STXBP5L: variants seen among roughly 807,000 people sequenced by gnomAD.
STXBP5L encodes the protein syntaxin binding protein 5L.
A neutral mutation model predicts 144.5 loss-of-function variants in STXBP5L; 65 were observed. That is an observed-to-expected ratio of 0.45 (90% CI 0.37 to 0.55). STXBP5L has a LOEUF of 0.55. Ranked by LOEUF, STXBP5L falls within the 20% of genes least tolerant of loss-of-function variation. The probability of loss-of-function intolerance (pLI) is 0.00; values close to 1 mark genes in which losing one functional copy is unlikely to be tolerated. For synonymous variants in STXBP5L, 505 were observed against 469.6 expected (o/e 1.08, Z -0.97); for missense variants, 1,298 against 1,405.5 (o/e 0.92, Z 1.22).
intron 2 of STXBP5L, among the ~76,000 whole-genome samples, chr3:120,940,998 T>C (rs1470975473): frequency 6.6e-6 from 1 of 151,868 alleles, no homozygotes; most frequent in East Asian, 1.9e-4. Flanking sequence ...TTGAACTTGA[T>C]TCTCTCGTGT....
intron 5 of STXBP5L, among the ~76,000 whole-genome samples, chr3:121,055,673 C>T (rs73187502): frequency 2.0e-5 from 3 of 146,520 alleles, no homozygotes; most frequent in Non-Finnish European, 4.4e-5. Flanking sequence ...CCATACCCAG[C>T]TATTTTTTTT....
intron 2 of STXBP5L, among the ~76,000 whole-genome samples, chr3:120,954,641 A>G (rs946989593): frequency 1.3e-5 from 2 of 152,122 alleles, no homozygotes. Flanking sequence ...CATTTTATGA[A>G]CATATGCTTT....
intron 3 of STXBP5L, among the ~76,000 whole-genome samples, chr3:121,027,904 C>A (rs1350997100): frequency 6.6e-6 from 1 of 152,002 alleles, no homozygotes; most frequent in East Asian, 1.9e-4. Flanking sequence ...TTCATATATC[C>A]TCAGCTCTCA....
At chr3:121,264,739 G>A (rs1344720999) in intron 18 of STXBP5L, among the ~76,000 whole-genome samples, 1 of 149,596 alleles carries the variant, frequency 6.7e-6, no homozygotes, top group Admixed American at 6.7e-5. Flanking sequence ...CCCATTGTAT[G>A]TGCAAAGACA....
intron 20 of STXBP5L, among the ~76,000 whole-genome samples, chr3:121,372,818 C>T (rs928960927): frequency 5.3e-5 from 8 of 152,124 alleles, no homozygotes; most frequent in Admixed American, 5.2e-4. Flanking sequence ...GCTTCTATTT[C>T]TGTTGGAAAA....
chr3:120,952,407 T>C (rs1711318462), intron 2 of STXBP5L, among the ~76,000 whole-genome samples: 1 of 152,128 alleles, frequency 6.6e-6, no homozygotes, highest in Non-Finnish European at 1.5e-5. Context: ...ATTTTATTCC[T>C]ATATATTTTA....
At chr3:120,928,621 G>A (rs1379188870) in intron 2 of STXBP5L, among the ~76,000 whole-genome samples, 1 of 149,612 alleles carries the variant, frequency 6.7e-6, no homozygotes, top group Non-Finnish European at 1.5e-5. Flanking sequence ...CATATAAATA[G>A]AATCATATGG....
intron 5 of STXBP5L, among the ~76,000 whole-genome samples, chr3:121,079,724 G>A (rs551248082): frequency 1.6e-4 from 25 of 152,302 alleles, no homozygotes; most frequent in African/African-American, 6.0e-4. Flanking sequence ...TAGATTAATT[G>A]AGGCTTATTT....
rs193068270 is a variant in STXBP5L at position 121,322,823 on chromosome 3, G to C, written c.2176+4283G>C. ...TTACATTCCCATCAACAATATATAA[G>C]TGTTCCCTTTCCTCTGCAGCTTCAC... On this transcript the variant is annotated intron_variant, in intron 20 of 26. Transcript: ENST00000471454. Among the ~76,000 whole-genome samples, 706 of 152,268 alleles carry C rather than the reference G, an allele frequency of 4.6e-3. 6 individuals carry two copies. Among genetic ancestry groups the C allele is most frequent in the African/African-American group, 0.016 (667 of 41,556 alleles).
At chr3:120,926,579 T>C (rs78221319) in intron 2 of STXBP5L, among the ~76,000 whole-genome samples, 6,047 of 152,244 alleles carry the variant, frequency 0.04, 170 homozygotes, top group Middle Eastern at 0.082. Flanking sequence ...TGGATGTTTA[T>C]CTCTTTTCTA....
intron 10 of STXBP5L, among the ~76,000 whole-genome samples, chr3:121,207,111 T>G (rs1185432736): frequency 6.6e-6 from 1 of 152,154 alleles, no homozygotes; most frequent in Non-Finnish European, 1.5e-5. Flanking sequence ...AGATATCTCT[T>G]TAGCCTACTA....
chr3:121,132,412 C>T (rs2045034108), intron 7 of STXBP5L, among the ~76,000 whole-genome samples: 1 of 152,162 alleles, frequency 6.6e-6, no homozygotes, highest in South Asian at 2.1e-4. Context: ...CATAGCTACC[C>T]CACTGGGGTC....
intron 3 of STXBP5L, among the ~76,000 whole-genome samples, chr3:121,027,366 A>G (rs910545803): frequency 1.3e-5 from 2 of 152,124 alleles, no homozygotes; most frequent in African/African-American, 4.8e-5. Context: ...TGAAAGGTTA[A>G]CTTAATAGCA....
intron 5 of STXBP5L, among the ~76,000 whole-genome samples, chr3:121,072,929 A>C (rs2041867489): frequency 6.6e-6 from 1 of 152,182 alleles, no homozygotes; most frequent in East Asian, 1.9e-4. Flanking sequence ...GAGTCAGTAT[A>C]GATGTTTACT....
intron 3 of STXBP5L, among the ~76,000 whole-genome samples, chr3:121,026,928 T>G (rs1945992044): frequency 6.6e-6 from 1 of 151,902 alleles, no homozygotes; most frequent in Non-Finnish European, 1.5e-5. Context: ...TTCCATAAGT[T>G]TCTGCTTTTA....
chr3:120,948,066 A>G (rs1209296869), intron 2 of STXBP5L, among the ~76,000 whole-genome samples: 1 of 151,800 alleles, frequency 6.6e-6, no homozygotes, highest in Non-Finnish European at 1.5e-5. Context: ...CATTTCTAAC[A>G]GCAATGTATT....
intron 13 of STXBP5L, among the ~76,000 whole-genome samples, 169 bp downstream of exon 13, chr3:121,239,287 A>T (rs2108331133): frequency 6.6e-6 from 1 of 151,700 alleles, no homozygotes; most frequent in East Asian, 1.9e-4. Flanking sequence ...AAATTTTCTA[A>T]ATGCTACATA....
intron 2 of STXBP5L, among the ~76,000 whole-genome samples, chr3:120,918,086 G>A (rs1182281639): frequency 1.3e-5 from 2 of 152,104 alleles, no homozygotes; most frequent in African/African-American, 2.4e-5. Flanking sequence ...TTGGCCGATG[G>A]CCCCCTCCCA....
At chr3:121,157,757 T>C in intron 9 of STXBP5L, 130 bp downstream of exon 9, 1 of 1,232,468 alleles carries the variant, frequency 8.1e-7, no homozygotes, top group Non-Finnish European at 1.1e-6. Flanking sequence ...AAACATCCCT[T>C]TTATACCACC....
Sources: gnomAD v4.1 joint callset for allele counts (sites outside exome capture counted in the v4.1 genomes callset) on GRCh38, gnomAD v4.1.1 for gene constraint, MANE v1.5 for transcripts, NCBI Gene and HGNC (gene_info 2026-07-23, HGNC 2026-07-21) for gene names.